The following STAT6 variants were observed in gnomAD, a reference collection of about 807,000 sequenced individuals.
STAT6 encodes signal transducer and activator of transcription 6.
STAT6 carries 45 observed loss-of-function variants against 106.3 expected under a neutral mutation model. The ratio of observed to expected loss-of-function variants is 0.42; its 90% CI spans 0.33 to 0.54. The LOEUF is 0.54. STAT6 is among the 20% of genes least tolerant of loss of function. The pLI, the probability that STAT6 is intolerant of heterozygous loss-of-function variation, is 0.06. For missense variants in STAT6, 797 were observed against 1,062.2 expected (o/e 0.75, Z 3.47); for synonymous variants, 413 against 413.6 (o/e 1.00, Z 0.02).
At chr12:57,109,784 G>A (rs533334790) in intron 1 of STAT6, among the ~76,000 whole-genome samples, 15 of 152,248 alleles carry the variant, frequency 9.9e-5, no homozygotes, top group Non-Finnish European at 2.9e-5. Context: ...CAGGTTCAGG[G>A]AGGACTGGGT....
In STAT6 at chr12:57,096,942, C is replaced by T. The variant is rs2033477545; in HGVS notation, c.2262G>A (p.Val754=). 2 of 1,614,008 alleles carry T rather than the reference C, an allele frequency of 1.2e-6. No individual in the cohort carries two copies. The highest frequency in any genetic ancestry group is 1.7e-6 in the Non-Finnish European group (2 of 1,180,018). ...AGCAGAGCAGGGGGTCAGGGCTGGA[C>T]ACAGCATGCTCCTGAGGCTGGCACG... The part of the protein sequence containing the change: ...LLPCQPQEHA[V]SSPDPLLCSD... The change falls in exon 21 of 22, where the codon GTG becomes GTA. Residue 754 remains valine (V), a synonymous_variant. Coordinates refer to ENST00000300134, the MANE Select transcript of STAT6 (RefSeq NM_003153.5).
In STAT6 at chr12:57,099,114, C is replaced by T. The variant is rs756072293; in HGVS notation, c.1892-36G>A. ...AAGGAAAAGACAGCCATGGAGTGCTCTGGGGTTAGGGAGGAAGGGAGGTGG... is the reference window on the plus strand; with the variant it reads ...AAGGAAAAGACAGCCATGGAGTGCTTTGGGGTTAGGGAGGAAGGGAGGTGG... On this transcript the variant is annotated intron_variant, in intron 16 of 21. Transcript: ENST00000300134. The surrounding 1 kb of genome is among the most constrained non-coding windows in gnomAD (Gnocchi z 4.7). 1.5e-5 allele frequency: 24 copies of T among 1,613,410 alleles called. No individual in the cohort carries two copies. The Admixed American group carries it at 4.0e-4, about 27-fold the overall frequency.
rs1364986547 is a variant in STAT6 at position 57,096,644 on chromosome 12, C to G, written c.2472G>C (p.Leu824=). ...CAGATTGCCCATAGTGGGAGGGCTG[C>G]AGGAGGGGCTGTGCCCCCAAGGACC... ...GGGSLGAQPL[L]QPSHYGQSGI... The change falls in exon 22 of 22, where the codon CTG becomes CTC. Residue 824 remains leucine, a synonymous_variant. Transcript: ENST00000300134. 4 of 1,608,362 alleles carry G rather than the reference C, an allele frequency of 2.5e-6. No individual in the cohort carries two copies. In the Admixed American group the frequency reaches 5.2e-5, roughly 21 times the overall value.
chr12:57,098,053 T>C (rs547495506), intron 19 of STAT6, among the ~76,000 whole-genome samples: 1 of 152,194 alleles, frequency 6.6e-6, no homozygotes, highest in African/African-American at 2.4e-5. Context: ...GTCTATACCA[T>C]CTAGGTTTGT....
At chr12:57,100,716 AAGAAAGAAAGAAAG>A (rs1468746951) in intron 13 of STAT6, 4 of 68,046 alleles carry the variant, frequency 5.9e-5, no homozygotes, top group African/African-American at 1.8e-4. Context: ...GAAAGAAAGA[AAGAAAGAAAGAAAG>A]AAAGAAAGAA....
intron 13 of STAT6, among the ~76,000 whole-genome samples, 186 bp from the exon 14 acceptor site, chr12:57,100,276 C>G (rs1302369718): frequency 6.6e-6 from 1 of 152,168 alleles, no homozygotes; most frequent in Non-Finnish European, 1.5e-5. Flanking sequence ...TATTTCAAGC[C>G]TTTCCATATA....
At position 57,102,612 on chromosome 12, in the gene STAT6, T is replaced by C. The variant is rs568460551; in HGVS notation, c.1306-116A>G. The C allele has an allele frequency of 7.9e-6, 9 of 1,143,652 alleles. No homozygotes were observed. The East Asian group carries it at 2.3e-4, about 29-fold the overall frequency. The allele number at this position is 1,143,652 out of a possible 1,614,324, so 70.8% of individuals were successfully genotyped here. A position where few individuals can be genotyped will look rare whatever the true frequency, so the allele number is the denominator to read the frequency against. ...ACCCCTCCACAGCCCCTGATATCGC[T>C]CACAAACATGCTGTTTTTTCTAGGT... On this transcript the variant is annotated intron_variant, in intron 12 of 21. Coordinates refer to ENST00000300134, the MANE Select transcript of STAT6 (RefSeq NM_003153.5).
rs2033826976 is a variant in STAT6, at chr12:57,100,694, A to AG, written c.1513-605_1513-604insC. On this transcript the variant is annotated intron_variant, in intron 13 of 21. Transcript: ENST00000300134. ...AAAGAAAGAAAGAAAGAAAGAAAGAAAGAAAGAGAAAGAAAGAAAGAAAGA... is the reference window on the plus strand; with the variant it reads ...AAAGAAAGAAAGAAAGAAAGAAAGAAGAGAAAGAGAAAGAAAGAAAGAAAGA... Among the ~76,000 whole-genome samples, 9 of 28,972 alleles carry AG rather than the reference A, an allele frequency of 3.1e-4. No homozygotes were observed. In the East Asian group the frequency reaches 3.6e-3, roughly 11 times the overall value. The allele number at this position is 28,972 out of a possible 152,430, so 19.0% of individuals were successfully genotyped here. A position where few individuals can be genotyped will look rare whatever the true frequency, so the allele number is the denominator to read the frequency against.
chr12:57,104,615 C>A (rs140072987), intron 10 of STAT6, 29 bp from the exon 11 acceptor site: 2 of 1,613,470 alleles, frequency 1.2e-6, no homozygotes, highest in Non-Finnish European at 1.7e-6. Context: ...AGAGCAAGGG[C>A]GAGGTCATGA....
intron 4 of STAT6, 52 bp downstream of exon 4, chr12:57,107,179 G>C: frequency 6.4e-7 from 1 of 1,568,216 alleles, no homozygotes; most frequent in Non-Finnish European, 8.8e-7. Flanking sequence ...TCATGGCTCA[G>C]GCCAAAGTCT....
rs763703926 is a variant in STAT6, at chr12:57,102,469, G to A, written c.1333C>T (p.Arg445Trp). 5.6e-6 allele frequency: 9 copies of A among 1,613,648 alleles called. No individual in the cohort carries two copies. The highest frequency in any genetic ancestry group is 2.2e-5 in the East Asian group (1 of 44,894). ...MDRVPFVVAE[R>W]VPWEKMCETL... is the part of the protein sequence containing the mutation. Reference sequence around the variant, plus strand: ...TCACACATCTTCTCCCAGGGCACCCGCTCAGCCACCACAAAGGGCACGCGG... The same window carrying A: ...TCACACATCTTCTCCCAGGGCACCCACTCAGCCACCACAAAGGGCACGCGG... The change falls in exon 13 of 22, where the codon CGG becomes TGG. Residue 445 changes from arginine to tryptophan, a missense_variant. Physicochemically the swap from Arg to Trp is moderately radical, Grantham distance 101. Around this residue, in one of 4 missense-constraint regions of STAT6, gnomAD observed 222 missense variants for 354.6 expected, o/e 0.63. Transcript: ENST00000300134.
chr12:57,110,649 G>A (rs191212288), intron 1 of STAT6: 1 of 152,334 alleles, frequency 6.6e-6, no homozygotes, highest in East Asian at 1.9e-4. Flanking sequence ...GCGTGGAGCA[G>A]TTTTGAGGGG....
Position 57,096,471 on chromosome 12 carries a change from C to T in STAT6, c.*101G>A, listed in dbSNP as rs1439799369. On this transcript the variant is annotated 3_prime_UTR_variant, in exon 22 of 22. Coordinates refer to ENST00000300134, the MANE Select transcript of STAT6 (RefSeq NM_003153.5). ...AGGAGTAGGTGGGGATAGGAGGGCA[C>T]CCTCCCCATCTGCTGCTTGGCAGGG... 7 of 1,212,722 alleles carry T rather than the reference C, an allele frequency of 5.8e-6. No homozygotes were observed. In the Admixed American group the frequency reaches 1.3e-4, roughly 22 times the overall value. The allele number at this position is 1,212,722 out of a possible 1,614,324, so 75.1% of individuals were successfully genotyped here.
chr12:57,102,535 C>T lies in STAT6; in HGVS notation c.1306-39G>A, dbSNP rs3024966. Reference sequence around the variant, plus strand: ...GGAAGAAGAGAGCACTGCAGGCTACCGTCTTGTTATTCCTCGGGCCGGCCT... The same window carrying T: ...GGAAGAAGAGAGCACTGCAGGCTACTGTCTTGTTATTCCTCGGGCCGGCCT... On this transcript the variant is annotated intron_variant, in intron 12 of 21. Coordinates refer to ENST00000300134, the MANE Select transcript of STAT6 (RefSeq NM_003153.5). 9.5e-5 allele frequency: 152 copies of T among 1,601,918 alleles called. No individual in the cohort carries two copies. In the African/African-American group the frequency reaches 1.5e-3, roughly 16 times the overall value.
rs750819181 is a variant in STAT6, at chr12:57,098,569, A to T, written c.2095T>A (p.Ser699Thr). 3 of 1,613,976 alleles carry T rather than the reference A, an allele frequency of 1.9e-6. No individual in the cohort carries two copies. The African/African-American group carries it at 4.0e-5, about 22-fold the overall frequency. ...VPQVYPPHSHSIPPYQGLSPE... is the reference protein window; with the variant it reads ...VPQVYPPHSHTIPPYQGLSPE... ...GAGAGGCCTTGATACGGGGGGATGG[A>T]GTGAGAGTGTGGTGGGTACACCTGG... Residue 699 changes from serine to threonine, a missense_variant, in exon 19 of 22, where the codon TCC (serine) becomes ACC (threonine). Physicochemically the swap from Ser to Thr is moderately conservative, Grantham distance 58. Around this residue, in one of 4 missense-constraint regions of STAT6, gnomAD observed 226 missense variants for 236.7 expected, o/e 0.95. Coordinates refer to ENST00000300134, the MANE Select transcript of STAT6 (RefSeq NM_003153.5).
In STAT6 at chr12:57,097,467, A is replaced by C. The variant is rs3024977; in HGVS notation, c.2160-334T>G. On this transcript the variant is annotated intron_variant, in intron 19 of 21. Transcript: ENST00000300134. Reference sequence around the variant, plus strand: ...CACCCGAGTGTCATACTTCGGGAAGAAAAATGTCTAGGCCATTTCAAGGCC... The same window carrying C: ...CACCCGAGTGTCATACTTCGGGAAGCAAAATGTCTAGGCCATTTCAAGGCC... 4.0e-4 allele frequency among the ~76,000 whole-genome samples: 61 copies of C among 152,362 alleles called. 1 individual carries two copies. The highest frequency in any genetic ancestry group is 1.4e-3 in the African/African-American group (60 of 41,592).
chr12:57,098,867 G>A lies in STAT6; in HGVS notation c.1991C>T (p.Pro664Leu). 6.2e-7 allele frequency: 1 copy of A among 1,613,548 alleles called. No homozygotes were observed. The highest frequency in any genetic ancestry group is 8.5e-7 in the Non-Finnish European group (1 of 1,179,822). The change falls in exon 18 of 22, where the codon CCT becomes CTT. Residue 664 changes from proline to leucine, a missense_variant. Coordinates refer to ENST00000300134, the MANE Select transcript of STAT6 (RefSeq NM_003153.5). The part of the protein sequence containing the change: ...QPLPTPELQM[P>L]TMVPSYDLGM... Reference sequence around the variant, plus strand: ...AAGGTCATAAGAAGGCACCATGGTAGGCATCTGGAGCTCTGGGGTAGGAAG... The same window carrying A: ...AAGGTCATAAGAAGGCACCATGGTAAGCATCTGGAGCTCTGGGGTAGGAAG...
rs1208819123 is a variant in STAT6, at chr12:57,099,169, A to G, written c.1892-91T>C. ...GGTGGGCATGGATCATGGGGAAGTA[A>G]GAGAAGCACAGCTATGAAATAGGGA... On this transcript the variant is annotated intron_variant, in intron 16 of 21. Transcript: ENST00000300134. This position sits in a 1 kb window ranked among gnomAD's most constrained non-coding sequence, Gnocchi z 4.7. The G allele has an allele frequency of 1.9e-6, 3 of 1,596,668 alleles. No homozygotes were observed. Among genetic ancestry groups the G allele is most frequent in the African/African-American group, 1.3e-5 (1 of 74,550 alleles).
At position 57,099,135 on chromosome 12, in the gene STAT6, G is replaced by A; in HGVS notation, c.1892-57C>T. The A allele has an allele frequency of 1.2e-6, 2 of 1,603,094 alleles. No homozygotes were observed. The highest frequency in any genetic ancestry group is 1.7e-6 in the Non-Finnish European group (2 of 1,174,026). On this transcript the variant is annotated intron_variant, in intron 16 of 21. Transcript: ENST00000300134. The surrounding 1 kb of genome is among the most constrained non-coding windows in gnomAD (Gnocchi z 4.7). ...TGCTCTGGGGTTAGGGAGGAAGGGAGGTGGAAAAGGTGGGCATGGATCATG... is the reference window on the plus strand; with the variant it reads ...TGCTCTGGGGTTAGGGAGGAAGGGAAGTGGAAAAGGTGGGCATGGATCATG...
Sources: allele counts gnomAD v4.1 joint callset (sites outside exome capture counted in the v4.1 genomes callset), GRCh38; gene constraint gnomAD v4.1.1; regional missense constraint gnomAD v4.1.1; non-coding constraint Gnocchi (gnomAD v3.1); transcripts MANE v1.5; gene names NCBI Gene and HGNC (gene_info 2026-07-23, HGNC 2026-07-21).